Variants in EED observed in about 807,000 individuals in gnomAD.
The protein encoded by EED is polycomb protein EED.
Under a neutral mutation model 61.0 loss-of-function variants are expected in EED, and 9 were observed. The observed-to-expected ratio is 0.15, with a 90% CI of 0.09 to 0.26. The LOEUF is 0.26. Ranked by LOEUF, EED falls within the 10% of genes least tolerant of loss-of-function variation. The pLI, the probability that EED is intolerant of heterozygous loss-of-function variation, is 1.00. For synonymous variants in EED, 187 were observed against 174.4 expected, an observed-to-expected ratio of 1.07 and a Z score of -0.57; for missense variants, 315 against 542.3, an observed-to-expected ratio of 0.58 and a Z score of 4.16.
chr11:86,258,180 CA>C (rs1945725697), intron 6 of EED, among the ~76,000 whole-genome samples: 1 of 152,092 alleles, frequency 6.6e-6, no homozygotes, highest in South Asian at 2.1e-4. Context: ...AAGGTTATAA[CA>C]GTACATTTTA....
chr11:86,259,924 T>A (rs987637728), intron 6 of EED, among the ~76,000 whole-genome samples: 1 of 152,162 alleles, frequency 6.6e-6, no homozygotes, highest in African/African-American at 2.4e-5. Flanking sequence ...TGTAACTACT[T>A]TGAAAAACAA....
At position 86,268,459 on chromosome 11, in the gene EED, A is replaced by G. The variant is rs1946035846; in HGVS notation, c.864A>G (p.Pro288=). The G allele has an allele frequency of 7.6e-6, 12 of 1,577,904 alleles. No homozygotes were observed. The highest frequency in any genetic ancestry group is 1.0e-5 in the Non-Finnish European group (12 of 1,155,660). The change falls in exon 9 of 12, where the codon CCA becomes CCG. Residue 288 remains proline, a synonymous_variant. Transcript: ENST00000263360. ...TACATTTCCATTCTTCCTTCAGGCC[A>G]TTTATTTCTCAGAAAATCCATTTTC... ...YDYNPNKTNR[P]FISQKIHFPD... is the part of the protein sequence containing the mutation.
chr11:86,268,637 G>A (rs890815219), intron 9 of EED, 76 bp downstream of exon 9: 34 of 915,816 alleles, frequency 3.7e-5, no homozygotes, highest in Admixed American at 8.7e-5. Context: ...ATGTGTGTGC[G>A]CATGTTGGAA....
chr11:86,247,542 A>C (rs1001884314), intron 1 of EED, among the ~76,000 whole-genome samples: 8 of 152,230 alleles, frequency 5.3e-5, no homozygotes, highest in Non-Finnish European at 1.0e-4. Context: ...CAGAGTCACA[A>C]CTTCAGTAAC....
intron 4 of EED, among the ~76,000 whole-genome samples, 199 bp downstream of exon 4, chr11:86,255,486 G>A (rs750241578): frequency 7.9e-5 from 12 of 152,078 alleles, no homozygotes; most frequent in Non-Finnish European, 1.8e-4. Context: ...ACTCAGCTAG[G>A]CAAAAAGAAA....
intron 9 of EED, chr11:86,276,198 AC>A (rs2138234243): frequency 6.6e-6 from 1 of 152,336 alleles, no homozygotes; most frequent in East Asian, 1.9e-4. Flanking sequence ...CAAACCACTG[AC>A]CTAGACAGTA....
At chr11:86,257,489 C>T (rs776071347) in intron 5 of EED, 26 bp from the exon 6 acceptor site, 2 of 1,559,600 alleles carry the variant, frequency 1.3e-6, no homozygotes, top group Non-Finnish European at 1.7e-6. Flanking sequence ...AGATAGGAAA[C>T]TTGAAATGTT....
intron 6 of EED, among the ~76,000 whole-genome samples, chr11:86,259,342 G>T (rs1412803021): frequency 1.3e-5 from 2 of 151,324 alleles, no homozygotes; most frequent in Non-Finnish European, 2.9e-5. Flanking sequence ...AAAGGACTTT[G>T]ATTTTTATTT....
intron 6 of EED, among the ~76,000 whole-genome samples, chr11:86,261,621 G>A (rs1705971301): frequency 6.6e-6 from 1 of 152,206 alleles, no homozygotes; most frequent in South Asian, 2.1e-4. Context: ...GGAGCCCCAG[G>A]CTCTTTGTGA....
intron 7 of EED, 174 bp downstream of exon 7, chr11:86,264,437 C>G: frequency 2.4e-6 from 1 of 415,176 alleles, no homozygotes; most frequent in Non-Finnish European, 4.3e-6. Context: ...CAAGTAAAGA[C>G]TATATTTATT....
chr11:86,262,874 T>G (rs1945869708), intron 6 of EED, among the ~76,000 whole-genome samples: 1 of 151,008 alleles, frequency 6.6e-6, no homozygotes, highest in Non-Finnish European at 1.5e-5. Flanking sequence ...TGCAGTGGCA[T>G]GATCATAGCT....
intron 3 of EED, 68 bp downstream of exon 3, chr11:86,252,308 A>G: frequency 1.8e-6 from 2 of 1,134,078 alleles, no homozygotes; most frequent in South Asian, 1.6e-5. Context: ...TAATATTGAA[A>G]TAGAATAATT....
chr11:86,262,813 C>CT (rs34817049), intron 6 of EED, among the ~76,000 whole-genome samples: 29,950 of 138,358 alleles, frequency 0.22, 3,467 homozygotes, highest in Non-Finnish European at 0.25. Context: ...CCTGGCCTGG[C>CT]TTTTTTTTTT....
At chr11:86,261,485 T>TG in intron 6 of EED, among the ~76,000 whole-genome samples, 1 of 152,348 alleles carries the variant, frequency 6.6e-6, no homozygotes, top group Middle Eastern at 3.4e-3. Flanking sequence ...TCTTGCAGGC[T>TG]GGTGGTGTGC....
At chr11:86,280,618 A>C (rs1461212926), downstream of EED, among the ~76,000 whole-genome samples, 1 of 152,220 alleles carries the variant, frequency 6.6e-6, no homozygotes, top group Non-Finnish European at 1.5e-5. Context: ...AATAGAAACC[A>C]AGAAGAAATT....
chr11:86,261,048 C>T (rs573540428), intron 6 of EED, among the ~76,000 whole-genome samples: 38 of 151,918 alleles, frequency 2.5e-4, no homozygotes, highest in South Asian at 1.0e-3. Flanking sequence ...CCTGCTTTTT[C>T]GGGGGTTCAT....
chr11:86,276,877 C>T, intron 9 of EED, 103 bp from the exon 10 acceptor site: 1 of 1,049,490 alleles, frequency 9.5e-7, no homozygotes. Flanking sequence ...TAACCAGGTT[C>T]TAAGAGCTGT....
At position 86,264,215 on chromosome 11, in the gene EED, G is replaced by A; in HGVS notation, c.678G>A (p.Val226=). 6.2e-7 allele frequency: 1 copy of A among 1,614,060 alleles called. No homozygotes were observed. The highest frequency in any genetic ancestry group is 8.5e-7 in the Non-Finnish European group (1 of 1,179,974). The change falls in exon 7 of 12, where the codon GTG becomes GTA. Residue 226 remains valine (V), a synonymous_variant. Transcript: ENST00000263360. ...RLWNIQTDTL[V]AIFGGVEGHR... ...GGAATATCCAGACGGACACTCTGGT[G>A]GCAATATTTGGAGGCGTAGAAGGGC...
chr11:86,286,986 A>G, the EED span, among the ~76,000 whole-genome samples: 3 of 151,260 alleles, frequency 2.0e-5, no homozygotes, highest in Non-Finnish European at 3.0e-5. Context: ...AAAAAAAAAA[A>G]AAAAAAAAGA....
Sources: gnomAD v4.1 joint callset for allele counts (sites outside exome capture counted in the v4.1 genomes callset) on GRCh38, gnomAD v4.1.1 for gene constraint, MANE v1.5 for transcripts, NCBI Gene and HGNC (gene_info 2026-07-23, HGNC 2026-07-21) for gene names.